Variants in CFAP77 observed in about 807,000 individuals in gnomAD.
CFAP77 encodes cilia and flagella associated protein 77, also known as cilia- and flagella-associated protein 77.
CFAP77 carries 25 observed loss-of-function variants against 31.1 expected under a neutral mutation model. That is an observed-to-expected ratio of 0.80 (90% CI 0.59 to 1.12). CFAP77 has a LOEUF of 1.12. CFAP77 is among the 50% of genes most tolerant of loss of function. The probability of loss-of-function intolerance (pLI) is 0.00; values close to 1 mark genes in which losing one functional copy is unlikely to be tolerated. For synonymous variants in CFAP77, 151 were observed against 159.9 expected (o/e 0.94, Z 0.42); for missense variants, 377 against 397.3 (o/e 0.95, Z 0.44).
intron 4 of CFAP77, among the ~76,000 whole-genome samples, chr9:132,542,653 C>T (rs1037220131): frequency 3.3e-5 from 5 of 152,224 alleles, no homozygotes; most frequent in African/African-American, 1.2e-4. Context: ...GAGACACTGT[C>T]CATGCCCTGA....
chr9:132,428,174 GTTT>G (rs111938414), intron 1 of CFAP77, among the ~76,000 whole-genome samples: 7 of 144,234 alleles, frequency 4.9e-5, no homozygotes, highest in Non-Finnish European at 6.1e-5. Flanking sequence ...TAATTTTTAA[GTTT>G]TTTTTTTTTT....
At chr9:132,529,913 A>T (rs1364262359) in intron 3 of CFAP77, among the ~76,000 whole-genome samples, 2 of 151,908 alleles carry the variant, frequency 1.3e-5, no homozygotes, top group Non-Finnish European at 2.9e-5. Flanking sequence ...CCTCACCAGC[A>T]GTGCATGGGA....
chr9:132,563,007 G>GT (rs60538849), intron 5 of CFAP77, among the ~76,000 whole-genome samples: 159 of 151,072 alleles, frequency 1.1e-3, no homozygotes, highest in Middle Eastern at 3.5e-3. Flanking sequence ...CGCAATTGGG[G>GT]TTTTTTTGGC....
intron 1 of CFAP77, among the ~76,000 whole-genome samples, chr9:132,477,585 G>A (rs1036455880): frequency 2.6e-5 from 4 of 152,188 alleles, no homozygotes; most frequent in African/African-American, 9.7e-5. Flanking sequence ...CAAGGCATTG[G>A]GCACATAGTA....
intron 1 of CFAP77, among the ~76,000 whole-genome samples, chr9:132,483,596 G>T (rs1403408916): frequency 1.3e-5 from 2 of 152,164 alleles, no homozygotes; most frequent in Non-Finnish European, 2.9e-5. Flanking sequence ...AGCAAAGGGG[G>T]CCACACTGTG....
intron 1 of CFAP77, among the ~76,000 whole-genome samples, chr9:132,487,969 C>CATGAGCAAA (rs1851590864): frequency 6.6e-6 from 1 of 152,140 alleles, no homozygotes; most frequent in Non-Finnish European, 1.5e-5. Context: ...ACTACCCCCC[C>CATGAGCAAA]ATGAGCAAAA....
Position 132,499,192 on chromosome 9 carries a change from C to T in CFAP77, c.296-180C>T, listed in dbSNP as rs989993621. ...TGGGTACCCTCAGGATCTCTGGGAG[C>T]CCTGATCCCGCCGTTTTGGGCCATC... On this transcript the variant is annotated intron_variant, in intron 2 of 5. Transcript: ENST00000393216. This position sits in a 1 kb window ranked among gnomAD's most constrained non-coding sequence, Gnocchi z 5.4. Among the ~76,000 whole-genome samples, 7 of 152,192 alleles carry T rather than the reference C, an allele frequency of 4.6e-5. No individual in the cohort carries two copies. The highest frequency in any genetic ancestry group is 8.8e-5 in the Non-Finnish European group (6 of 68,020).
intron 5 of CFAP77, among the ~76,000 whole-genome samples, chr9:132,570,818 T>C (rs1278163564): frequency 6.6e-6 from 1 of 152,198 alleles, no homozygotes; most frequent in Non-Finnish European, 1.5e-5. Context: ...GAGTGGCAGC[T>C]GTGACACAAT....
Position 132,486,088 on chromosome 9 carries a change from ATATTTT to A in CFAP77, c.196-12605_196-12600del. Among the ~76,000 whole-genome samples the A allele has an allele frequency of 1.1e-4, 3 of 28,524 alleles. 1 individual carries two copies. Among genetic ancestry groups the A allele is most frequent in the African/African-American group, 1.0e-3 (3 of 2,964 alleles). 18.7% of individuals were successfully genotyped at this position (28,524 alleles called of 152,430 possible). ...TGTGTATATATATATATATATATATATATTTTTTTTTTTTTTTTTTTTGAGACGGAG... is the reference window on the plus strand; with the variant it reads ...TGTGTATATATATATATATATATATATTTTTTTTTTTTTTTTGAGACGGAG... On this transcript the variant is annotated intron_variant, in intron 1 of 5. Transcript: ENST00000393216.
intron 1 of CFAP77, among the ~76,000 whole-genome samples, chr9:132,470,933 G>A (rs1418238120): frequency 1.3e-5 from 2 of 152,182 alleles, no homozygotes; most frequent in African/African-American, 2.4e-5. Flanking sequence ...AGCCAAGATC[G>A]GGCCACTGCA....
intron 1 of CFAP77, among the ~76,000 whole-genome samples, chr9:132,459,682 A>G (rs1367796495): frequency 6.6e-6 from 1 of 150,392 alleles, no homozygotes; most frequent in African/African-American, 2.5e-5. Flanking sequence ...ATTTATGTGT[A>G]TATGTGTGCA....
At chr9:132,557,296 G>A (rs1365170649) in intron 5 of CFAP77, among the ~76,000 whole-genome samples, 1 of 152,216 alleles carries the variant, frequency 6.6e-6, no homozygotes. Flanking sequence ...GAGAAGGCAA[G>A]ATGCAAGTCC....
At chr9:132,561,725 G>A (rs998510623) in intron 5 of CFAP77, among the ~76,000 whole-genome samples, 1 of 151,236 alleles carries the variant, frequency 6.6e-6, no homozygotes, top group Non-Finnish European at 1.5e-5. Flanking sequence ...TGGACAAAAG[G>A]CTCAAGACAA....
chr9:132,434,157 T>C (rs553774235), intron 1 of CFAP77, among the ~76,000 whole-genome samples: 42 of 151,314 alleles, frequency 2.8e-4, no homozygotes, highest in Non-Finnish European at 4.3e-4. Flanking sequence ...AAAAATAAAA[T>C]AAAATAAAAT....
At chr9:132,418,703 C>CA (rs1850152724) in intron 1 of CFAP77, among the ~76,000 whole-genome samples, 1 of 152,196 alleles carries the variant, frequency 6.6e-6, no homozygotes, top group African/African-American at 2.4e-5. Context: ...TCTAGCAATC[C>CA]ATACAGTGTG....
chr9:132,482,957 A>AT (rs1028798049), intron 1 of CFAP77, among the ~76,000 whole-genome samples: 19 of 103,732 alleles, frequency 1.8e-4, no homozygotes, highest in South Asian at 7.4e-4. Flanking sequence ...TATAATAATA[A>AT]TTTAAAAAAA....
Position 132,490,415 on chromosome 9 carries a change from G to A in CFAP77, c.196-8280G>A, listed in dbSNP as rs546937882. On this transcript the variant is annotated intron_variant, in intron 1 of 5. Coordinates refer to ENST00000393216, the MANE Select transcript of CFAP77 (RefSeq NM_001282957.2). The surrounding 1 kb of genome is among the most constrained non-coding windows in gnomAD (Gnocchi z 4.6). ...CCTGCTTGCCTGTGTCTGAAAGTTC[G>A]GGGTCAGGAGCTCGTTTGAGTGCCT... Among the ~76,000 whole-genome samples the A allele has an allele frequency of 1.1e-4, 17 of 152,246 alleles. No homozygotes were observed. The highest frequency in any genetic ancestry group is 1.9e-4 in the East Asian group (1 of 5,180).
At chr9:132,542,891 G>A in intron 4 of CFAP77, 55 bp from the exon 5 acceptor site, 2 of 1,377,640 alleles carry the variant, frequency 1.5e-6, no homozygotes, top group South Asian at 2.3e-5. Flanking sequence ...CTTCAGCACG[G>A]CCTTCTCCAA....
intron 1 of CFAP77, among the ~76,000 whole-genome samples, chr9:132,454,201 C>G (rs1410343637): frequency 6.6e-6 from 1 of 151,928 alleles, no homozygotes; most frequent in African/African-American, 2.4e-5. Flanking sequence ...GTTATTACTG[C>G]AGTATCTAGT....
Sources: allele counts gnomAD v4.1 joint callset (sites outside exome capture counted in the v4.1 genomes callset), GRCh38; gene constraint gnomAD v4.1.1; non-coding constraint Gnocchi (gnomAD v3.1); transcripts MANE v1.5; gene names NCBI Gene and HGNC (gene_info 2026-07-23, HGNC 2026-07-21).